Variants in SELENOF observed in about 807,000 individuals in gnomAD.
SELENOF encodes the protein selenoprotein F.
Under a neutral mutation model 20.5 loss-of-function variants are expected in SELENOF, and 16 were observed. The ratio of observed to expected loss-of-function variants is 0.78; its 90% confidence interval spans 0.53 to 1.19. SELENOF has a LOEUF of 1.19. Ranked by LOEUF, SELENOF falls within the 50% of genes most tolerant of loss-of-function variation. The pLI, the probability that SELENOF is intolerant of heterozygous loss-of-function variation, is 0.00. For synonymous variants in SELENOF, 78 were observed against 74.5 expected, an observed-to-expected ratio of 1.05 and a Z score of -0.24; for missense variants, 215 against 194.2, an observed-to-expected ratio of 1.11 and a Z score of -0.64.
chr1:86,884,030 T>C (rs1176975903), intron 2 of SELENOF, among the ~76,000 whole-genome samples: 1 of 152,216 alleles, frequency 6.6e-6, no homozygotes, highest in African/African-American at 2.4e-5. Flanking sequence ...CACAGAACTT[T>C]GTTCTCATCA....
At chr1:86,879,709 C>T (rs1329633943) in intron 3 of SELENOF, among the ~76,000 whole-genome samples, 1 of 152,156 alleles carries the variant, frequency 6.6e-6, no homozygotes, top group African/African-American at 2.4e-5. Context: ...CAGACAAGTT[C>T]AGTTTCATAA....
At chr1:86,871,474 T>G (rs1163273078) in intron 3 of SELENOF, among the ~76,000 whole-genome samples, 2 of 152,176 alleles carry the variant, frequency 1.3e-5, no homozygotes, top group African/African-American at 4.8e-5. Flanking sequence ...CTCCTAAAAT[T>G]TGATATTTCT....
Position 86,866,230 on chromosome 1 carries a change from CTGTG to C in SELENOF, c.366+1819_366+1822del, listed in dbSNP as rs60714256. On this transcript the variant is annotated intron_variant, in intron 4 of 4. Coordinates refer to ENST00000331835, the MANE Select transcript of SELENOF (RefSeq NM_004261.5). ...AAAAAAAAAAAAAAAGTGTGTGTCT[CTGTG>C]TGTGTGTGTGTGTGTGTGTGTGTGT... is the stretch of plus-strand genomic sequence containing the variant. 9.7e-3 allele frequency among the ~76,000 whole-genome samples: 1,100 copies of C among 113,642 alleles called. 9 individuals carry two copies. Among genetic ancestry groups the C allele is most frequent in the African/African-American group, 0.019 (562 of 29,712 alleles). The allele number at this position is 113,642 out of a possible 152,430, so 74.6% of individuals were successfully genotyped here.
chr1:86,909,618 C>T (rs768129196), intron 1 of SELENOF, among the ~76,000 whole-genome samples: 37 of 152,126 alleles, frequency 2.4e-4, no homozygotes, highest in Non-Finnish European at 4.4e-4. Flanking sequence ...CTAATTGGCA[C>T]GGGGACAGGA....
chr1:86,889,323 C>T (rs932291138), intron 2 of SELENOF, among the ~76,000 whole-genome samples: 8 of 152,016 alleles, frequency 5.3e-5, no homozygotes, highest in African/African-American at 9.7e-5. Context: ...TGGCTGGGCG[C>T]GGTGGCTCAG....
At chr1:86,888,752 C>A (rs966455990) in intron 2 of SELENOF, among the ~76,000 whole-genome samples, 11 of 152,212 alleles carry the variant, frequency 7.2e-5, no homozygotes, top group African/African-American at 2.7e-4. Context: ...CAACCCCCAC[C>A]TCCCAGGTTC....
intron 2 of SELENOF, among the ~76,000 whole-genome samples, chr1:86,893,923 C>T (rs1388209813): frequency 2.0e-5 from 3 of 152,100 alleles, no homozygotes; most frequent in African/African-American, 7.2e-5. Context: ...CTGCTTAGGT[C>T]CACTTATTCA....
chr1:86,876,835 T>C (rs1658935003), intron 3 of SELENOF, among the ~76,000 whole-genome samples: 1 of 152,156 alleles, frequency 6.6e-6, no homozygotes, highest in Non-Finnish European at 1.5e-5. Flanking sequence ...GTGAAGACAG[T>C]TTCAAAGGCT....
intron 2 of SELENOF, among the ~76,000 whole-genome samples, chr1:86,884,896 T>C (rs925822657): frequency 6.6e-6 from 1 of 152,182 alleles, no homozygotes; most frequent in African/African-American, 2.4e-5. Context: ...ATACACAAAC[T>C]GCATCTTTTC....
intron 2 of SELENOF, among the ~76,000 whole-genome samples, chr1:86,885,786 C>T (rs957087019): frequency 2.6e-5 from 4 of 152,176 alleles, no homozygotes; most frequent in Non-Finnish European, 4.4e-5. Context: ...CTGCCACTTA[C>T]AAGCAGTATG....
At chr1:86,900,562 T>C (rs1182692878) in intron 2 of SELENOF, among the ~76,000 whole-genome samples, 1 of 151,054 alleles carries the variant, frequency 6.6e-6, no homozygotes, top group Non-Finnish European at 1.5e-5. Flanking sequence ...CGGCTCGGCA[T>C]CAGAGGGAGA....
Position 86,862,576 on chromosome 1 carries a change from A to G in SELENOF, c.*898T>C, listed in dbSNP as rs1200814447. 6.6e-6 allele frequency: 1 copy of G among 152,188 alleles called. No individual in the cohort carries two copies. The highest frequency in any genetic ancestry group is 1.9e-4 in the East Asian group (1 of 5,198). The allele number at this position is 152,188 out of a possible 1,614,324, so 9.4% of individuals were successfully genotyped here. A position where few individuals can be genotyped will look rare whatever the true frequency, so the allele number is the denominator to read the frequency against. On this transcript the variant is annotated 3_prime_UTR_variant, in exon 5 of 5. Coordinates refer to ENST00000331835, the MANE Select transcript of SELENOF (RefSeq NM_004261.5). ...TAAAATCAGACAAATATAAAGCACT[A>G]TTACCAACAATAAGATGTTATAAGT...
intron 2 of SELENOF, among the ~76,000 whole-genome samples, chr1:86,898,371 T>C (rs1490011339): frequency 6.6e-6 from 1 of 152,186 alleles, no homozygotes; most frequent in Non-Finnish European, 1.5e-5. Context: ...TTGGGAATAA[T>C]TTCTAACAAA....
intron 2 of SELENOF, among the ~76,000 whole-genome samples, 176 bp from the exon 3 acceptor site, chr1:86,880,901 T>TG (rs1659051239): frequency 6.6e-6 from 1 of 152,184 alleles, no homozygotes; most frequent in African/African-American, 2.4e-5. Flanking sequence ...GAAGAGAAGA[T>TG]GGAGGCCCAA....
At chr1:86,868,514 CTG>C (rs751586633) in intron 3 of SELENOF, among the ~76,000 whole-genome samples, 6 of 151,304 alleles carry the variant, frequency 4.0e-5, no homozygotes, top group Non-Finnish European at 7.4e-5. Context: ...ATAAAAATGT[CTG>C]TAAGAATTTT....
chr1:86,878,234 T>C (rs1658974201), intron 3 of SELENOF, among the ~76,000 whole-genome samples: 1 of 152,196 alleles, frequency 6.6e-6, no homozygotes, highest in South Asian at 2.1e-4. Flanking sequence ...TTTAAATCCT[T>C]CCTCCTGAAA....
intron 2 of SELENOF, among the ~76,000 whole-genome samples, chr1:86,882,221 C>A (rs1659090302): frequency 7.2e-6 from 1 of 139,040 alleles, no homozygotes; most frequent in African/African-American, 2.7e-5. Flanking sequence ...TGCACTCCAG[C>A]CTGGCAGCAG....
At chr1:86,902,442 CAAT>C (rs1659727368) in intron 2 of SELENOF, among the ~76,000 whole-genome samples, 1 of 152,226 alleles carries the variant, frequency 6.6e-6, no homozygotes. Context: ...CCTTTACTAC[CAAT>C]AATAATAACA....
intron 2 of SELENOF, among the ~76,000 whole-genome samples, chr1:86,898,009 T>C (rs1334251810): frequency 6.6e-6 from 1 of 152,208 alleles, no homozygotes; most frequent in Admixed American, 6.5e-5. Context: ...ATTCAATATA[T>C]AAAGCTGAAG....
Sources: gnomAD v4.1 joint callset for allele counts (sites outside exome capture counted in the v4.1 genomes callset) on GRCh38, gnomAD v4.1.1 for gene constraint, MANE v1.5 for transcripts, NCBI Gene and HGNC (gene_info 2026-07-23, HGNC 2026-07-21) for gene names.